The following DIP2B variants were observed in gnomAD, a reference collection of about 807,000 sequenced individuals.
DIP2B encodes the protein disco-interacting protein 2 homolog B.
Under a neutral mutation model 198.0 loss-of-function variants are expected in DIP2B, and 76 were observed. The ratio of observed to expected loss-of-function variants is 0.38; its 90% CI spans 0.32 to 0.46. The LOEUF (loss-of-function observed/expected upper bound fraction) is 0.46. Ranked by LOEUF, DIP2B falls within the 20% of genes least tolerant of loss-of-function variation. The pLI is 0.99. For synonymous variants in DIP2B, 701 were observed against 739.1 expected, an observed-to-expected ratio of 0.95 and a Z score of 0.84; for missense variants, 1,559 against 1,978.4, an observed-to-expected ratio of 0.79 and a Z score of 4.02.
At chr12:50,686,334 C>T (rs1013412308) in intron 11 of DIP2B, among the ~76,000 whole-genome samples, 4 of 152,128 alleles carry the variant, frequency 2.6e-5, no homozygotes, top group Non-Finnish European at 5.9e-5. Context: ...CACTGCCAAA[C>T]GGACCTCCCA....
At chr12:50,661,806 T>C (rs941900681) in intron 4 of DIP2B, among the ~76,000 whole-genome samples, 23 of 152,198 alleles carry the variant, frequency 1.5e-4, no homozygotes, top group African/African-American at 5.3e-4. Context: ...GCATGACATG[T>C]AGTTCTTGGA....
Position 50,747,749 on chromosome 12 carries a change from T to A in DIP2B, c.*2910T>A, listed in dbSNP as rs1410597621. 1 of 152,198 alleles carries A rather than the reference T, an allele frequency of 6.6e-6. No homozygotes were observed. Among genetic ancestry groups the A allele is most frequent in the East Asian group, 1.9e-4 (1 of 5,198 alleles). 9.4% of individuals were successfully genotyped at this position (152,198 alleles called of 1,614,324 possible). On this transcript the variant is annotated 3_prime_UTR_variant, in exon 38 of 38. Transcript: ENST00000301180. The stretch of plus-strand genomic sequence containing the variant: ...TGTCTGTGGAAAAAAACTAAACAAG[T>A]CTCTGTCTCAGTTAAGAGAAATCTA...
At chr12:50,564,086 A>G (rs2139400582) in intron 1 of DIP2B, among the ~76,000 whole-genome samples, 1 of 151,958 alleles carries the variant, frequency 6.6e-6, no homozygotes, top group Middle Eastern at 3.4e-3. Context: ...CTATATTTGT[A>G]TGCAGTTTTG....
chr12:50,656,658 G>A (rs562592420), intron 3 of DIP2B, among the ~76,000 whole-genome samples: 9 of 152,206 alleles, frequency 5.9e-5, no homozygotes, highest in African/African-American at 1.9e-4. Flanking sequence ...TGTAACCTCC[G>A]CTTCCCAGGT....
Position 50,698,320 on chromosome 12 carries a change from C to A in DIP2B, c.2049-8C>A, listed in dbSNP as rs556412634. 36 of 1,606,452 alleles carry A rather than the reference C, an allele frequency of 2.2e-5. No homozygotes were observed. In the African/African-American group the frequency reaches 4.7e-4, roughly 21 times the overall value. On this transcript the variant is annotated splice_polypyrimidine_tract_variant and splice_region_variant and intron_variant, in intron 17 of 37. Transcript: ENST00000301180. ...CATTCACCAAACTTGATGGGTTCTT[C>A]TTTTCAGGCCTGGAGTTCCAGGAGC...
chr12:50,707,701 G>T (rs549339246), intron 21 of DIP2B, among the ~76,000 whole-genome samples: 1 of 152,200 alleles, frequency 6.6e-6, no homozygotes, highest in South Asian at 2.1e-4. Flanking sequence ...AGTGACAAGT[G>T]CTATGGAGAA....
intron 1 of DIP2B, among the ~76,000 whole-genome samples, chr12:50,510,042 C>G (rs1447106116): frequency 6.6e-6 from 1 of 152,188 alleles, no homozygotes. Flanking sequence ...TGAAAATCCT[C>G]ATGGTGGCAG....
chr12:50,524,184 C>T (rs1958143291), intron 1 of DIP2B, among the ~76,000 whole-genome samples: 1 of 152,196 alleles, frequency 6.6e-6, no homozygotes, highest in African/African-American at 2.4e-5. Context: ...AAATCTACTT[C>T]TTTCCATGCC....
At chr12:50,534,955 G>A (rs981066669) in intron 1 of DIP2B, among the ~76,000 whole-genome samples, 2 of 152,146 alleles carry the variant, frequency 1.3e-5, no homozygotes, top group Non-Finnish European at 2.9e-5. Flanking sequence ...AGGGCCTGGC[G>A]TGATAGCTCA....
At chr12:50,693,161 C>T (rs1939250416) in intron 14 of DIP2B, 148 bp downstream of exon 14, 1 of 700,714 alleles carries the variant, frequency 1.4e-6, no homozygotes. Flanking sequence ...ATAACCTTTC[C>T]ACTGGACAGA....
At chr12:50,505,660 C>A (rs185640452) in intron 1 of DIP2B, among the ~76,000 whole-genome samples, 2 of 152,112 alleles carry the variant, frequency 1.3e-5, no homozygotes, top group South Asian at 2.1e-4. Context: ...TCCAGCCCCC[C>A]CTTCCCCCTT....
rs751500424 is a variant in DIP2B, at chr12:50,678,837, C to G, written c.1075C>G (p.Leu359Val). The change falls in exon 8 of 38, where the codon CTG (leucine) becomes GTG (valine). Residue 359 changes from leucine (L) to valine (V), a missense_variant. By Grantham distance (32) the Leu-to-Val change is conservative. Coordinates refer to ENST00000301180, the MANE Select transcript of DIP2B (RefSeq NM_173602.3). Reference protein sequence around the residue: ...TQAKCSCLTALDMTGKPVYTL... With the variant: ...TQAKCSCLTAVDMTGKPVYTL... The stretch of plus-strand genomic sequence containing the variant: ...AGCAAAATGCTCCTGTCTGACTGCA[C>G]TGGACATGACAGGGAAACCAGTTTA... 6.8e-6 allele frequency: 11 copies of G among 1,614,210 alleles called. No homozygotes were observed. The highest frequency in any genetic ancestry group is 9.3e-6 in the Non-Finnish European group (11 of 1,180,032).
chr12:50,533,558 A>G (rs552204045), intron 1 of DIP2B, among the ~76,000 whole-genome samples: 45 of 152,128 alleles, frequency 3.0e-4, no homozygotes, highest in Non-Finnish European at 5.6e-4. Context: ...CACCTACAGG[A>G]AGTTGTGGAT....
At chr12:50,529,202 A>C (rs1325057792) in intron 1 of DIP2B, among the ~76,000 whole-genome samples, 1 of 152,120 alleles carries the variant, frequency 6.6e-6, no homozygotes, top group Non-Finnish European at 1.5e-5. Context: ...TGAGGTGGGA[A>C]GATACCTGAA....
At chr12:50,507,290 T>C (rs938399775) in intron 1 of DIP2B, among the ~76,000 whole-genome samples, 10 of 152,198 alleles carry the variant, frequency 6.6e-5, no homozygotes, top group Admixed American at 5.2e-4. Flanking sequence ...AAAAATACAA[T>C]TGAAAAACTT....
At position 50,656,564 on chromosome 12, in the gene DIP2B, G is replaced by A. The variant is rs933810542; in HGVS notation, c.302-3630G>A. Among the ~76,000 whole-genome samples, 21 of 152,104 alleles carry A rather than the reference G, an allele frequency of 1.4e-4. 1 individual carries two copies. On this transcript the variant is annotated intron_variant, in intron 3 of 37. Coordinates refer to ENST00000301180, the MANE Select transcript of DIP2B (RefSeq NM_173602.3). ...ATAAATAACTAAGGGAGAAAGGAAAGCTTTTTTTCTTTCTTTTTTTCTTTT... is the reference window on the plus strand; with the variant it reads ...ATAAATAACTAAGGGAGAAAGGAAAACTTTTTTTCTTTCTTTTTTTCTTTT...
chr12:50,678,769 C>T lies in DIP2B; in HGVS notation c.1007C>T (p.Pro336Leu). ...CCTTTAGGAGTCATCTGTAACTGGCCTCCTGCTCTTGAATCTGCCCTGCAG... is the reference window on the plus strand; with the variant it reads ...CCTTTAGGAGTCATCTGTAACTGGCTTCCTGCTCTTGAATCTGCCCTGCAG... ...GEPLGVICNWPPALESALQRW... is the reference protein window; with the variant it reads ...GEPLGVICNWLPALESALQRW... The change falls in exon 8 of 38, where the codon CCT (proline) becomes CTT (leucine). Residue 336 changes from proline (P) to leucine (L), a missense_variant. Coordinates refer to ENST00000301180, the MANE Select transcript of DIP2B (RefSeq NM_173602.3). 2.5e-6 allele frequency: 4 copies of T among 1,614,196 alleles called. No homozygotes were observed. The highest frequency in any genetic ancestry group is 3.4e-6 in the Non-Finnish European group (4 of 1,180,042).
intron 35 of DIP2B, among the ~76,000 whole-genome samples, chr12:50,738,858 T>G (rs565963536): frequency 4.6e-5 from 7 of 152,344 alleles, no homozygotes; most frequent in South Asian, 2.1e-4. Context: ...TTAAATGTAT[T>G]AACACCTGCA....
At chr12:50,630,053 G>A (rs1938015494) in intron 2 of DIP2B, among the ~76,000 whole-genome samples, 4 of 151,108 alleles carry the variant, frequency 2.6e-5, no homozygotes, top group African/African-American at 7.3e-5. Flanking sequence ...AGGTTCAAGC[G>A]ATTCTCCTGC....
Sources: gnomAD v4.1 joint callset for allele counts (sites outside exome capture counted in the v4.1 genomes callset) on GRCh38, gnomAD v4.1.1 for gene constraint, MANE v1.5 for transcripts, NCBI Gene and HGNC (gene_info 2026-07-23, HGNC 2026-07-21) for gene names.